The following DLGAP1 variants were observed in gnomAD, a reference collection of about 807,000 sequenced individuals.
DLGAP1 encodes the protein disks large-associated protein 1.
In DLGAP1, 11 loss-of-function variants were observed where a neutral mutation model predicts 90.8. That is an observed-to-expected ratio of 0.12 (90% CI 0.08 to 0.20). The LOEUF is 0.20. DLGAP1 is among the 10% of genes least tolerant of loss of function. The pLI is 1.00. For missense variants in DLGAP1, 1,050 were observed against 1,333.8 expected (o/e 0.79, Z 3.31); for synonymous variants, 558 against 540.7 (o/e 1.03, Z -0.44).
intron 3 of DLGAP1, among the ~76,000 whole-genome samples, chr18:3,947,504 A>G (rs1316719960): frequency 6.6e-6 from 1 of 152,238 alleles, no homozygotes; most frequent in Non-Finnish European, 1.5e-5. Flanking sequence ...CTGGGCATCA[A>G]CCACTCACTT....
rs75214456 is a variant in DLGAP1, at chr18:4,285,922, C to A, written c.-266-134635G>T. ...ATAGAAGTACAGAGTTTTTCTCAGG[C>A]CATATTTAGTTTGCTTTAATAACCT... On this transcript the variant is annotated intron_variant, in intron 1 of 12. Transcript: ENST00000315677. Among the ~76,000 whole-genome samples the A allele has an allele frequency of 7.1e-3, 1,086 of 152,236 alleles. 9 individuals are homozygous for A. The highest frequency in any genetic ancestry group is 0.013 in the Non-Finnish European group (873 of 68,038).
At position 3,498,120 on chromosome 18, in the gene DLGAP1, G is replaced by A. The variant is rs1598936884; in HGVS notation, c.*1065C>T. The A allele has an allele frequency of 1.3e-5, 2 of 152,312 alleles. No individual in the cohort carries two copies. The highest frequency in any genetic ancestry group is 4.1e-4 in the South Asian group (2 of 4,822). The allele number at this position is 152,312 out of a possible 1,614,324, so 9.4% of individuals were successfully genotyped here. A position where few individuals can be genotyped will look rare whatever the true frequency, so the allele number is the denominator to read the frequency against. On this transcript the variant is annotated 3_prime_UTR_variant, in exon 13 of 13. Transcript: ENST00000315677. ...TGTGTAGCATTCAAAGGGATGGTAGGAAAACCCAAACTCTTCTCCAAAAAC... is the reference window on the plus strand; with the variant it reads ...TGTGTAGCATTCAAAGGGATGGTAGAAAAACCCAAACTCTTCTCCAAAAAC...
intron 1 of DLGAP1, among the ~76,000 whole-genome samples, chr18:4,208,243 T>G (rs955376614): frequency 1.3e-5 from 2 of 152,232 alleles, no homozygotes; most frequent in Non-Finnish European, 2.9e-5. Context: ...GTAAATTTTG[T>G]GTTTGGAACA....
rs1422976778 is a variant in DLGAP1 at position 4,454,622 on chromosome 18, G to A, written c.-267+384C>T. Among the ~76,000 whole-genome samples the A allele has an allele frequency of 6.6e-6, 1 of 152,092 alleles. No individual in the cohort carries two copies. The highest frequency in any genetic ancestry group is 1.5e-5 in the Non-Finnish European group (1 of 68,012). On this transcript the variant is annotated intron_variant, in intron 1 of 12. Coordinates refer to ENST00000315677, the MANE Select transcript of DLGAP1 (RefSeq NM_004746.4). This position sits in a 1 kb window ranked among gnomAD's most constrained non-coding sequence, Gnocchi z 4.7. Reference sequence around the variant, plus strand: ...CCCTGCAAGGTGCATCGGGGGTGGGGTGGGGGTGCGAATTTGACCGGTGGA... The same window carrying A: ...CCCTGCAAGGTGCATCGGGGGTGGGATGGGGGTGCGAATTTGACCGGTGGA...
intron 2 of DLGAP1, among the ~76,000 whole-genome samples, chr18:4,021,736 T>C (rs774811165): frequency 1.3e-5 from 2 of 152,128 alleles, no homozygotes; most frequent in Non-Finnish European, 1.5e-5. Context: ...GTAGCTGGGA[T>C]TGCAGGTATG....
intron 4 of DLGAP1, among the ~76,000 whole-genome samples, chr18:3,817,514 G>C (rs2067165178): frequency 6.6e-6 from 1 of 152,150 alleles, no homozygotes; most frequent in Admixed American, 6.5e-5. Flanking sequence ...AAATAATACA[G>C]TAATCCGTTC....
intron 7 of DLGAP1, among the ~76,000 whole-genome samples, chr18:3,637,459 C>T (rs886517199): frequency 4.6e-5 from 7 of 151,290 alleles, no homozygotes; most frequent in Non-Finnish European, 8.8e-5. Context: ...CTAGGCCAGG[C>T]GCAGTGCCTC....
chr18:3,811,476 T>C (rs771536264), intron 5 of DLGAP1, among the ~76,000 whole-genome samples: 29 of 152,150 alleles, frequency 1.9e-4, no homozygotes, highest in Admixed American at 1.4e-3. Context: ...ACAACAGAAA[T>C]GGTGTGGGGA....
chr18:3,531,449 A>G lies in DLGAP1; in HGVS notation c.2479+2745T>C, dbSNP rs538276468. Among the ~76,000 whole-genome samples, 21 of 151,940 alleles carry G rather than the reference A, an allele frequency of 1.4e-4. No homozygotes were observed. The East Asian group carries it at 2.1e-3, about 15-fold the overall frequency. On this transcript the variant is annotated intron_variant, in intron 10 of 12. Transcript: ENST00000315677. ...CAAGACTCTGTCTTTTAAAAAAAAA[A>G]TTATTGTTTTTGTTACGTACGATAA...
chr18:4,243,394 T>C (rs2145144889), intron 1 of DLGAP1, among the ~76,000 whole-genome samples: 1 of 130,876 alleles, frequency 7.6e-6, no homozygotes, highest in East Asian at 2.6e-4. Context: ...GAGGACAGCC[T>C]TGTCCTCAGT....
At chr18:4,136,622 TA>T (rs2076405779) in intron 2 of DLGAP1, among the ~76,000 whole-genome samples, 1 of 152,180 alleles carries the variant, frequency 6.6e-6, no homozygotes, top group African/African-American at 2.4e-5. Context: ...TTGAGCTCCT[TA>T]TATATTCTTG....
intron 6 of DLGAP1, among the ~76,000 whole-genome samples, chr18:3,741,035 C>T (rs1204918889): frequency 1.6e-5 from 2 of 128,020 alleles, no homozygotes; most frequent in African/African-American, 5.9e-5. Context: ...ACCACCACCA[C>T]CATCACCTCA....
chr18:3,777,764 A>T (rs1480633808), intron 5 of DLGAP1, among the ~76,000 whole-genome samples: 3 of 152,326 alleles, frequency 2.0e-5, no homozygotes, highest in Admixed American at 6.5e-5. Context: ...TTGCATTTTG[A>T]TGTTCAATAC....
intron 3 of DLGAP1, among the ~76,000 whole-genome samples, chr18:3,950,630 T>C (rs1179427271): frequency 6.6e-6 from 1 of 152,218 alleles, no homozygotes; most frequent in African/African-American, 2.4e-5. Flanking sequence ...TGAACATTCA[T>C]TGAGAACAGA....
chr18:4,301,638 G>A (rs182570263), intron 1 of DLGAP1, among the ~76,000 whole-genome samples: 53 of 152,230 alleles, frequency 3.5e-4, no homozygotes, highest in Admixed American at 2.7e-3. Flanking sequence ...CCTTTGACAC[G>A]CTGATTTCAA....
chr18:4,301,858 T>G (rs2080134663), intron 1 of DLGAP1, among the ~76,000 whole-genome samples: 1 of 152,194 alleles, frequency 6.6e-6, no homozygotes, highest in South Asian at 2.1e-4. Context: ...TAACAATCAT[T>G]GTGGTTTTGA....
chr18:4,381,085 A>C (rs550890184), intron 1 of DLGAP1, among the ~76,000 whole-genome samples: 1 of 152,330 alleles, frequency 6.6e-6, no homozygotes, highest in East Asian at 1.9e-4. Flanking sequence ...CAGGTGGTTA[A>C]CACTATATAT....
At chr18:3,786,400 A>G (rs1359593044) in intron 5 of DLGAP1, among the ~76,000 whole-genome samples, 1 of 152,244 alleles carries the variant, frequency 6.6e-6, no homozygotes, top group East Asian at 1.9e-4. Context: ...AGAAAATAGA[A>G]ATAAACCTGT....
rs200821379 is a variant in DLGAP1, at chr18:4,031,200, A to AT, written c.-158-26000dup. The stretch of plus-strand genomic sequence containing the variant: ...TCAATAACAAAGAGATGTATAAGTT[A>AT]TTTTTTTTCTGCTGGTGGAGAAGAT... On this transcript the variant is annotated intron_variant, in intron 2 of 12. Coordinates refer to ENST00000315677, the MANE Select transcript of DLGAP1 (RefSeq NM_004746.4). 7.3e-5 allele frequency among the ~76,000 whole-genome samples: 11 copies of AT among 151,610 alleles called. No individual in the cohort carries two copies. In the East Asian group the frequency reaches 1.6e-3, roughly 21 times the overall value.
Sources: gnomAD v4.1 joint callset for allele counts (sites outside exome capture counted in the v4.1 genomes callset) on GRCh38, gnomAD v4.1.1 for gene constraint, Gnocchi (gnomAD v3.1) non-coding constraint, MANE v1.5 for transcripts, NCBI Gene and HGNC (gene_info 2026-07-23, HGNC 2026-07-21) for gene names.